The following JAZF1 variants were observed in gnomAD, a reference collection of about 807,000 sequenced individuals.
JAZF1 encodes the protein JAZF zinc finger 1.
JAZF1 carries 8 observed loss-of-function variants against 26.4 expected under a neutral mutation model. The observed-to-expected ratio is 0.30, with a 90% confidence interval of 0.18 to 0.55. JAZF1 has a LOEUF of 0.55. Ranked by LOEUF, JAZF1 falls within the 20% of genes least tolerant of loss-of-function variation. The probability of loss-of-function intolerance (pLI) is 0.94; values close to 1 mark genes in which losing one functional copy is unlikely to be tolerated. For synonymous variants in JAZF1, 126 were observed against 122.3 expected (o/e 1.03, Z -0.20); for missense variants, 199 against 322.0 (o/e 0.62, Z 2.92).
intron 1 of JAZF1, among the ~76,000 whole-genome samples, chr7:28,140,985 G>C (rs1782952336): frequency 6.6e-6 from 1 of 152,192 alleles, no homozygotes; most frequent in East Asian, 1.9e-4. Flanking sequence ...AACGCAGAAA[G>C]AACTTTACAG....
At chr7:28,160,737 T>G (rs2127951555) in intron 1 of JAZF1, among the ~76,000 whole-genome samples, 1 of 152,258 alleles carries the variant, frequency 6.6e-6, no homozygotes, top group East Asian at 1.9e-4. Context: ...GTCAGAAACT[T>G]CAGCATGACA....
intron 2 of JAZF1, among the ~76,000 whole-genome samples, chr7:27,919,410 C>T (rs1467538875): frequency 6.6e-6 from 1 of 152,090 alleles, no homozygotes; most frequent in East Asian, 1.9e-4. Flanking sequence ...GTCATTCATG[C>T]TAAAACCTGT....
chr7:27,874,124 TTGC>T (rs1378353497), intron 3 of JAZF1, among the ~76,000 whole-genome samples: 1 of 152,222 alleles, frequency 6.6e-6, no homozygotes, highest in East Asian at 1.9e-4. Flanking sequence ...GCGCAGGGCC[TTGC>T]TGCTGAAGGT....
At chr7:27,856,415 G>A (rs1364336056) in intron 3 of JAZF1, among the ~76,000 whole-genome samples, 3 of 152,192 alleles carry the variant, frequency 2.0e-5, no homozygotes, top group African/African-American at 7.2e-5. Flanking sequence ...ATTGCAAAGA[G>A]CGAAAGAACA....
chr7:28,076,976 C>T (rs1251954884), intron 1 of JAZF1, among the ~76,000 whole-genome samples: 1 of 152,044 alleles, frequency 6.6e-6, no homozygotes, highest in Non-Finnish European at 1.5e-5. Context: ...TAGACGACAA[C>T]CAATTTTAAA....
intron 1 of JAZF1, among the ~76,000 whole-genome samples, chr7:28,000,212 A>G (rs953201067): frequency 6.6e-6 from 1 of 152,140 alleles, no homozygotes; most frequent in Non-Finnish European, 1.5e-5. Flanking sequence ...TCTGAACTGC[A>G]GGCAATTTTG....
At chr7:27,901,924 C>T (rs1017318007) in intron 2 of JAZF1, among the ~76,000 whole-genome samples, 1 of 152,188 alleles carries the variant, frequency 6.6e-6, no homozygotes, top group African/African-American at 2.4e-5. Flanking sequence ...TTGACTTCAA[C>T]CCATTATAAG....
At chr7:28,004,201 A>AG (rs955801027) in intron 1 of JAZF1, among the ~76,000 whole-genome samples, 6 of 152,200 alleles carry the variant, frequency 3.9e-5, no homozygotes, top group Admixed American at 2.6e-4. Context: ...ATAACCAGAA[A>AG]GGGGGGGTAC....
chr7:27,849,744 T>TACACACACACACACACACAC (rs1199710288), intron 3 of JAZF1, among the ~76,000 whole-genome samples: 136 of 53,568 alleles, frequency 2.5e-3, no homozygotes, highest in Middle Eastern at 0.011. Context: ...TTGGAACCCT[T>TACACACACACACACACACAC]ACACACAGAC....
intron 1 of JAZF1, among the ~76,000 whole-genome samples, chr7:28,099,357 C>CT (rs943815476): frequency 2.6e-4 from 38 of 146,320 alleles, no homozygotes; most frequent in Admixed American, 4.1e-4. Context: ...GACTAAAAAG[C>CT]TTTTTTTTTT....
At chr7:27,981,075 C>A (rs546595935) in intron 2 of JAZF1, among the ~76,000 whole-genome samples, 2 of 152,276 alleles carry the variant, frequency 1.3e-5, no homozygotes, top group Non-Finnish European at 2.9e-5. Flanking sequence ...ACTTAGGCAA[C>A]CTTCCACTCA....
rs759090421 is a variant in JAZF1, at chr7:27,832,893, C to T, written c.639G>A (p.Gly213=). 3.1e-6 allele frequency: 5 copies of T among 1,613,546 alleles called. No individual in the cohort carries two copies. In the South Asian group the frequency reaches 5.5e-5, roughly 18 times the overall value. Residue 213 remains glycine (G), a synonymous_variant, in exon 5 of 5, where the codon GGG becomes GGA. Transcript: ENST00000283928. ...RVRKPFKCRC[G]KSYKTAQGLR... ...GGCCCTGAGCTGTCTTGTAACTCTT[C>T]CCACAGCGACACTTGAATGGTTTGC...
chr7:27,996,117 C>G (rs1023859659), intron 1 of JAZF1, among the ~76,000 whole-genome samples: 1 of 152,180 alleles, frequency 6.6e-6, no homozygotes, highest in East Asian at 1.9e-4. Context: ...CAAGTCTAAA[C>G]GAAAACTCTA....
chr7:27,874,716 G>GGGGATA (rs1783644514), intron 3 of JAZF1, among the ~76,000 whole-genome samples: 1 of 500 alleles, frequency 2.0e-3, no homozygotes, highest in African/African-American at 0.024. Flanking sequence ...ACCTTTAATC[G>GGGGATA]AGATCCTTAT....
intron 2 of JAZF1, among the ~76,000 whole-genome samples, chr7:27,950,498 C>T (rs1421226551): frequency 1.3e-5 from 2 of 152,298 alleles, no homozygotes; most frequent in Admixed American, 6.5e-5. Flanking sequence ...CACTATCACA[C>T]CCACACCCAC....
intron 2 of JAZF1, among the ~76,000 whole-genome samples, chr7:27,957,298 C>T (rs552050823): frequency 6.6e-6 from 1 of 152,150 alleles, no homozygotes; most frequent in South Asian, 2.1e-4. Flanking sequence ...TAGTTCAGTG[C>T]TTAATTATTT....
At chr7:28,129,582 G>A (rs1782755942) in intron 1 of JAZF1, among the ~76,000 whole-genome samples, 1 of 152,054 alleles carries the variant, frequency 6.6e-6, no homozygotes, top group East Asian at 1.9e-4. Flanking sequence ...GGGAAACAAA[G>A]CAATGCTATA....
intron 3 of JAZF1, among the ~76,000 whole-genome samples, chr7:27,893,101 C>A (rs1345387528): frequency 2.6e-5 from 4 of 152,158 alleles, no homozygotes; most frequent in African/African-American, 4.8e-5. Flanking sequence ...GTCCCCTAAT[C>A]AGAGCAACTA....
intron 3 of JAZF1, among the ~76,000 whole-genome samples, chr7:27,857,503 G>A (rs1046183280): frequency 2.0e-5 from 3 of 152,250 alleles, no homozygotes; most frequent in Non-Finnish European, 2.9e-5. Flanking sequence ...GCCAGAGTGG[G>A]CGCCAAGGCT....
Sources: allele counts gnomAD v4.1 joint callset (sites outside exome capture counted in the v4.1 genomes callset), GRCh38; gene constraint gnomAD v4.1.1; transcripts MANE v1.5; gene names NCBI Gene and HGNC (gene_info 2026-07-23, HGNC 2026-07-21).